PLAUR: variants seen among roughly 807,000 people sequenced by gnomAD.
The protein encoded by PLAUR is urokinase plasminogen activator surface receptor.
A neutral mutation model predicts 33.4 loss-of-function variants in PLAUR; 22 were observed. The observed-to-expected ratio is 0.66, with a 90% CI of 0.47 to 0.94. The LOEUF (loss-of-function observed/expected upper bound fraction) is 0.94, where lower values mean the gene tolerates loss of function less well. PLAUR is among the 40% of genes least tolerant of loss of function. The probability of loss-of-function intolerance (pLI) is 0.00; values close to 1 mark genes in which losing one functional copy is unlikely to be tolerated. For missense variants in PLAUR, 408 were observed against 434.7 expected (o/e 0.94, Z 0.55); for synonymous variants, 148 against 167.3 (o/e 0.88, Z 0.89).
chr19:43,661,624 T>G (rs1967000836), intron 3 of PLAUR: 1 of 152,244 alleles, frequency 6.6e-6, no homozygotes, highest in Non-Finnish European at 1.5e-5. Context: ...CTTGAACTCA[T>G]GAGCTCGAGC....
At chr19:43,652,166 T>C in intron 6 of PLAUR, 59 bp downstream of exon 6, 1 of 1,593,104 alleles carries the variant, frequency 6.3e-7, no homozygotes, top group Non-Finnish European at 8.6e-7. Context: ...GAAGTCAATC[T>C]CTTGCGGAAC....
At position 43,660,119 on chromosome 19, in the gene PLAUR, TTTTTG is replaced by T. The variant is rs71169270; in HGVS notation, c.311-3484_311-3480del. Among the ~76,000 whole-genome samples, 13 of 151,364 alleles carry T rather than the reference TTTTTG, an allele frequency of 8.6e-5. No homozygotes were observed. The South Asian group carries it at 2.5e-3, about 29-fold the overall frequency. On this transcript the variant is annotated intron_variant, in intron 3 of 6. Transcript: ENST00000340093. ...TTTGTTACTGTTTTTTATTTTTTGT[TTTTTG>T]TTTTGTTTTGTTTTGAGACAGAGTC...
Position 43,667,530 on chromosome 19 carries a change from C to T in PLAUR, c.166+51G>A, listed in dbSNP as rs773921096. ...ACTGGTGAGGAAGGTTTCTCAATCA[C>T]TCGCGTTCCATGCTGCGCTGGAGGG... On this transcript the variant is annotated intron_variant, in intron 2 of 6. Transcript: ENST00000340093. The T allele has an allele frequency of 1.5e-6, 2 of 1,301,490 alleles. 1 individual carries two copies. The highest frequency in any genetic ancestry group is 2.4e-5 in the South Asian group (2 of 84,786). 80.6% of individuals were successfully genotyped at this position (1,301,490 alleles called of 1,614,324 possible). A position where few individuals can be genotyped will look rare whatever the true frequency, so the allele number is the denominator to read the frequency against.
chr19:43,647,023 G>T (rs1271763371), downstream of PLAUR, among the ~76,000 whole-genome samples: 3 of 151,926 alleles, frequency 2.0e-5, no homozygotes, highest in South Asian at 4.1e-4. Flanking sequence ...CAAGTGATCT[G>T]CCCACCTCGG....
chr19:43,648,570 C>G, downstream of PLAUR: 1 of 1,015,986 alleles, frequency 9.8e-7, no homozygotes, highest in Non-Finnish European at 1.2e-6. Flanking sequence ...AAGGGCATAC[C>G]TGGCCTTGTC....
chr19:43,648,812 A>C lies in PLAUR; in HGVS notation c.*78T>G. 2 of 1,474,840 alleles carry C rather than the reference A, an allele frequency of 1.4e-6. No individual in the cohort carries two copies. Among genetic ancestry groups the C allele is most frequent in the Non-Finnish European group, 1.9e-6 (2 of 1,077,172 alleles). The allele number at this position is 1,474,840 out of a possible 1,614,324, so 91.4% of individuals were successfully genotyped here. A position where few individuals can be genotyped will look rare whatever the true frequency, so the allele number is the denominator to read the frequency against. ...CACACTGGCCTGAGGTCACACAGCA[A>C]GTCTGTAGGGCTGGGAGCCGAGGGA... On this transcript the variant is annotated 3_prime_UTR_variant, in exon 7 of 7. Coordinates refer to ENST00000340093, the MANE Select transcript of PLAUR (RefSeq NM_002659.4).
intron 4 of PLAUR, 94 bp from the exon 5 acceptor site, chr19:43,655,667 T>C (rs4251883): frequency 0.083 from 93,355 of 1,118,122 alleles, 5,386 homozygotes; most frequent in African/African-American, 0.22. Context: ...AACCATTCTC[T>C]ACTTCACCCT....
At chr19:43,655,276 CAAA>C (rs34689348) in intron 5 of PLAUR, among the ~76,000 whole-genome samples, 160 bp downstream of exon 5, 5,019 of 65,898 alleles carry the variant, frequency 0.076, 48 homozygotes, top group Middle Eastern at 0.18. Flanking sequence ...GACTCCGTCT[CAAA>C]AAAAAAAAAA....
chr19:43,670,106 C>A lies in PLAUR; in HGVS notation c.15G>T (p.Pro5=), dbSNP rs201156019. The A allele has an allele frequency of 1.7e-5, 28 of 1,610,828 alleles. No individual in the cohort carries two copies. The East Asian group carries it at 6.2e-4, about 36-fold the overall frequency. The part of the protein sequence containing the change: MGHP[P]LLPLLLLLHT... ...GGAGCAGCAGCAGCAGCGGCAGCAG[C>A]GGCGGGTGACCCATGTCGCGAGGGC... The change falls in exon 1 of 7, where the codon CCG becomes CCT. Residue 5 remains proline, a synonymous_variant. Coordinates refer to ENST00000340093, the MANE Select transcript of PLAUR (RefSeq NM_002659.4).
At chr19:43,647,908 G>A (rs1399823262), downstream of PLAUR, among the ~76,000 whole-genome samples, 4 of 150,890 alleles carry the variant, frequency 2.7e-5, no homozygotes, top group African/African-American at 9.8e-5. Flanking sequence ...AACCTGAGGG[G>A]GGCTTTTGGC....
chr19:43,651,570 G>A (rs1973996196), intron 6 of PLAUR, among the ~76,000 whole-genome samples: 1 of 151,858 alleles, frequency 6.6e-6, no homozygotes, highest in Non-Finnish European at 1.5e-5. Flanking sequence ...GAGTAGCTGG[G>A]GTTATAGGTG....
At chr19:43,662,247 C>T (rs937671540) in intron 3 of PLAUR, among the ~76,000 whole-genome samples, 7 of 152,044 alleles carry the variant, frequency 4.6e-5, no homozygotes, top group African/African-American at 1.7e-4. Flanking sequence ...TCTGTAATCC[C>T]AGCACTTTGG....
chr19:43,647,569 G>C (rs995335841), downstream of PLAUR, among the ~76,000 whole-genome samples: 2 of 152,158 alleles, frequency 1.3e-5, no homozygotes, highest in African/African-American at 4.8e-5. Context: ...CACTTTGGGA[G>C]GCCAAGGTGG....
At chr19:43,663,300 TACAC>T (rs59542257) in intron 3 of PLAUR, among the ~76,000 whole-genome samples, 5,659 of 131,738 alleles carry the variant, frequency 0.043, 125 homozygotes, top group Middle Eastern at 0.069. Context: ...CTGTCACCCC[TACAC>T]ACACACACAC....
At chr19:43,658,391 A>G (rs1262769070) in intron 3 of PLAUR, among the ~76,000 whole-genome samples, 1 of 152,218 alleles carries the variant, frequency 6.6e-6, no homozygotes, top group African/African-American at 2.4e-5. Flanking sequence ...AAGCCACTCC[A>G]GGGTTTTTGA....
At chr19:43,646,902 T>G (rs1203178665), downstream of PLAUR, among the ~76,000 whole-genome samples, 1 of 150,160 alleles carries the variant, frequency 6.7e-6, no homozygotes, top group Non-Finnish European at 1.5e-5. Context: ...TGCCTCAGCC[T>G]TCCGAGTAGC....
intron 3 of PLAUR, chr19:43,660,458 C>T (rs1219825112): frequency 6.6e-6 from 1 of 151,644 alleles, no homozygotes; most frequent in Non-Finnish European, 1.5e-5. Flanking sequence ...CAGGCTTGAG[C>T]CACCATGCCC....
At position 43,656,369 on chromosome 19, in the gene PLAUR, G is replaced by A. The variant is rs113394309; in HGVS notation, c.472+110C>T. 1.5e-3 allele frequency: 1,477 copies of A among 1,001,920 alleles called. 16 individuals carry two copies. In the African/African-American group the frequency reaches 0.021, roughly 14 times the overall value. 62.1% of individuals were successfully genotyped at this position (1,001,920 alleles called of 1,614,324 possible). On this transcript the variant is annotated intron_variant, in intron 4 of 6. Coordinates refer to ENST00000340093, the MANE Select transcript of PLAUR (RefSeq NM_002659.4). ...CTATCACTGGACCTCTTGTGTATGAGAGAACTTAGTCCCTTGCTGACATCC... is the reference window on the plus strand; with the variant it reads ...CTATCACTGGACCTCTTGTGTATGAAAGAACTTAGTCCCTTGCTGACATCC...
rs557488464 is a variant in PLAUR at position 43,649,153 on chromosome 19, G to A, written c.755-10C>T. 6 of 1,600,166 alleles carry A rather than the reference G, an allele frequency of 3.7e-6. No individual in the cohort carries two copies. The African/African-American group carries it at 6.7e-5, about 18-fold the overall frequency. On this transcript the variant is annotated splice_polypyrimidine_tract_variant and intron_variant, in intron 6 of 6. Coordinates refer to ENST00000340093, the MANE Select transcript of PLAUR (RefSeq NM_002659.4). ...CTTTGGTTTTTCGGTTCTGAGGAAA[G>A]AGAAGACGGAGTGAGACTTCCAGCT...
Sources: gnomAD v4.1 joint callset for allele counts (sites outside exome capture counted in the v4.1 genomes callset) on GRCh38, gnomAD v4.1.1 for gene constraint, MANE v1.5 for transcripts, NCBI Gene and HGNC (gene_info 2026-07-23, HGNC 2026-07-21) for gene names.